The following ACOXL variants were observed in gnomAD, a reference collection of about 807,000 sequenced individuals.
The protein encoded by ACOXL is acyl-coenzyme A oxidase-like protein.
A neutral mutation model predicts 71.9 loss-of-function variants in ACOXL; 70 were observed. That is an observed-to-expected ratio of 0.97 (90% CI 0.80 to 1.19). The LOEUF (loss-of-function observed/expected upper bound fraction) is 1.19, where lower values mean the gene tolerates loss of function less well. ACOXL is among the 50% of genes most tolerant of loss of function. ACOXL has a pLI of 0.00. For synonymous variants in ACOXL, 253 were observed against 281.6 expected (o/e 0.90, Z 1.02); for missense variants, 703 against 736.3 (o/e 0.95, Z 0.52).
At chr2:110,954,892 A>T (rs1323291326) in intron 12 of ACOXL, among the ~76,000 whole-genome samples, 4 of 152,162 alleles carry the variant, frequency 2.6e-5, no homozygotes, top group African/African-American at 4.8e-5. Context: ...TTCAGTATAG[A>T]ATTCATTGTT....
At chr2:111,008,023 T>A (rs567035283) in intron 14 of ACOXL, among the ~76,000 whole-genome samples, 46 of 152,330 alleles carry the variant, frequency 3.0e-4, no homozygotes, top group African/African-American at 9.6e-4. Context: ...AATTGCTAAC[T>A]CATACCCTGG....
chr2:111,063,050 T>C (rs958801628), intron 16 of ACOXL, among the ~76,000 whole-genome samples: 4 of 152,138 alleles, frequency 2.6e-5, no homozygotes, highest in African/African-American at 7.2e-5. Flanking sequence ...TTAGATGAAA[T>C]AGACTATTAT....
intron 15 of ACOXL, among the ~76,000 whole-genome samples, chr2:111,043,077 G>A (rs2065859465): frequency 6.6e-6 from 1 of 152,212 alleles, no homozygotes; most frequent in African/African-American, 2.4e-5. Flanking sequence ...AGAGATGCAT[G>A]CTGGCTCCTG....
intron 14 of ACOXL, among the ~76,000 whole-genome samples, chr2:111,006,312 A>G (rs1574462759): frequency 6.6e-6 from 1 of 152,336 alleles, no homozygotes; most frequent in East Asian, 1.9e-4. Flanking sequence ...TCAGTGAGAG[A>G]TTAGGCTTAA....
intron 16 of ACOXL, among the ~76,000 whole-genome samples, chr2:111,091,935 T>C (rs2068546462): frequency 1.3e-5 from 2 of 152,202 alleles, no homozygotes; most frequent in Non-Finnish European, 2.9e-5. Flanking sequence ...CTTCTGAGTC[T>C]GATAAGCCAT....
chr2:110,777,805 A>G (rs1043637601), intron 2 of ACOXL, among the ~76,000 whole-genome samples: 1 of 152,180 alleles, frequency 6.6e-6, no homozygotes, highest in African/African-American at 2.4e-5. Flanking sequence ...TGTGGGGTTG[A>G]GGGAGGCTGT....
rs142631337 is a variant in ACOXL, at chr2:110,772,781, A to G, written c.75+4317A>G. Among the ~76,000 whole-genome samples the G allele has an allele frequency of 2.6e-5, 4 of 152,350 alleles. No individual in the cohort carries two copies. The East Asian group carries it at 7.7e-4, about 29-fold the overall frequency. ...TGTCCCCAATACCCTTTCAGGTGCTATGTGGAAAGTATATGTCCAACTACC... is the reference window on the plus strand; with the variant it reads ...TGTCCCCAATACCCTTTCAGGTGCTGTGTGGAAAGTATATGTCCAACTACC... On this transcript the variant is annotated intron_variant, in intron 2 of 17. Transcript: ENST00000439055.
At chr2:110,795,380 A>AC (rs1236083108) in intron 5 of ACOXL, among the ~76,000 whole-genome samples, 2 of 152,130 alleles carry the variant, frequency 1.3e-5, no homozygotes, top group Admixed American at 6.5e-5. Flanking sequence ...CCCTATACTG[A>AC]CCACTCGTAA....
rs372211461 is a variant in ACOXL, at chr2:110,766,595, C to T, written c.-22-1773C>T. Among the ~76,000 whole-genome samples the T allele has an allele frequency of 6.6e-5, 10 of 152,286 alleles. No homozygotes were observed. In the South Asian group the frequency reaches 1.0e-3, roughly 16 times the overall value. On this transcript the variant is annotated intron_variant, in intron 1 of 17. Coordinates refer to ENST00000439055, the MANE Select transcript of ACOXL (RefSeq NM_001142807.4). ...TCAGTTCTCTTCTGGGTGCTAATGACGCCAGGGAAGGAGAGGGGTGAATTA... is the reference window on the plus strand; with the variant it reads ...TCAGTTCTCTTCTGGGTGCTAATGATGCCAGGGAAGGAGAGGGGTGAATTA...
At chr2:111,043,588 G>A (rs537795700) in intron 15 of ACOXL, among the ~76,000 whole-genome samples, 1 of 152,290 alleles carries the variant, frequency 6.6e-6, no homozygotes, top group South Asian at 2.1e-4. Flanking sequence ...TCATCGATAA[G>A]GGGCCCCTGG....
chr2:110,982,127 T>TTTTTG (rs1283481238), intron 12 of ACOXL, among the ~76,000 whole-genome samples: 1 of 152,120 alleles, frequency 6.6e-6, no homozygotes, highest in Non-Finnish European at 1.5e-5. Flanking sequence ...AATCCGTGGT[T>TTTTTG]TTTTGTTTTG....
chr2:111,097,668 G>A (rs570091085), intron 17 of ACOXL, among the ~76,000 whole-genome samples: 2 of 152,276 alleles, frequency 1.3e-5, no homozygotes, highest in South Asian at 2.1e-4. Context: ...TATGTTCCAG[G>A]GACACAGGAA....
At chr2:111,041,175 C>G (rs559345000) in intron 15 of ACOXL, among the ~76,000 whole-genome samples, 18 of 152,226 alleles carry the variant, frequency 1.2e-4, no homozygotes, top group African/African-American at 4.3e-4. Flanking sequence ...CATGCATGAC[C>G]TGGGGCCACA....
At chr2:111,047,007 CAG>C (rs1262960331) in intron 15 of ACOXL, among the ~76,000 whole-genome samples, 1 of 152,198 alleles carries the variant, frequency 6.6e-6, no homozygotes, top group Non-Finnish European at 1.5e-5. Flanking sequence ...ATCAAAGTGG[CAG>C]CACTACTGTG....
chr2:110,792,920 G>T (rs1471026016), intron 3 of ACOXL, among the ~76,000 whole-genome samples: 1 of 152,216 alleles, frequency 6.6e-6, no homozygotes, highest in Admixed American at 6.5e-5. Flanking sequence ...TTGGGTTTCA[G>T]CCTCAGCCCT....
At chr2:110,817,034 C>G (rs2105470944) in intron 9 of ACOXL, among the ~76,000 whole-genome samples, 1 of 152,338 alleles carries the variant, frequency 6.6e-6, no homozygotes, top group Admixed American at 6.5e-5. Flanking sequence ...CTACTTCTCC[C>G]TTAGCTACGA....
chr2:110,863,992 T>G (rs1573892545), intron 10 of ACOXL, among the ~76,000 whole-genome samples: 1 of 152,254 alleles, frequency 6.6e-6, no homozygotes, highest in East Asian at 1.9e-4. Context: ...CTCTTCTGCT[T>G]CTTCTTCACT....
intron 10 of ACOXL, among the ~76,000 whole-genome samples, chr2:110,853,913 GTTT>G (rs35717647): frequency 1.1e-3 from 160 of 142,284 alleles, no homozygotes; most frequent in African/African-American, 3.8e-3. Context: ...TAGGACACTT[GTTT>G]TTTTTTTTTT....
intron 16 of ACOXL, among the ~76,000 whole-genome samples, chr2:111,063,975 G>A (rs1469912667): frequency 6.6e-6 from 1 of 152,174 alleles, no homozygotes; most frequent in Non-Finnish European, 1.5e-5. Context: ...GGCAGACAAG[G>A]AAAGGAATTC....
Sources: gnomAD v4.1 joint callset for allele counts (sites outside exome capture counted in the v4.1 genomes callset) on GRCh38, gnomAD v4.1.1 for gene constraint, MANE v1.5 for transcripts, NCBI Gene and HGNC (gene_info 2026-07-23, HGNC 2026-07-21) for gene names.